ATP10A: variants seen among roughly 807,000 people sequenced by gnomAD.
ATP10A encodes ATPase phospholipid transporting 10A (putative), also known as phospholipid-transporting ATPase VA.
A neutral mutation model predicts 147.8 loss-of-function variants in ATP10A; 111 were observed. The observed-to-expected ratio is 0.75, with a 90% CI of 0.64 to 0.88. The LOEUF (loss-of-function observed/expected upper bound fraction) is 0.88, where lower values mean the gene tolerates loss of function less well. ATP10A is among the 40% of genes least tolerant of loss of function. The pLI, the probability that ATP10A is intolerant of heterozygous loss-of-function variation, is 0.00. For synonymous variants in ATP10A, 875 were observed against 841.6 expected (o/e 1.04, Z -0.69); for missense variants, 1,927 against 1,959.0 (o/e 0.98, Z 0.31).
intron 2 of ATP10A, among the ~76,000 whole-genome samples, chr15:25,775,608 GCACACGCCTGGGAAGAGT>G (rs1889566222): frequency 6.6e-6 from 1 of 152,222 alleles, no homozygotes; most frequent in African/African-American, 2.4e-5. Flanking sequence ...GCACACATGT[GCACACGCCTGGGAAGAGT>G]CAGCAGCAGA....
At chr15:25,753,855 T>TA (rs1468270456) in intron 2 of ATP10A, among the ~76,000 whole-genome samples, 2 of 151,640 alleles carry the variant, frequency 1.3e-5, no homozygotes, top group African/African-American at 4.8e-5. Context: ...GAGCTTACTA[T>TA]AACCTTGACC....
At chr15:25,692,040 C>T (rs1241429882) in intron 14 of ATP10A, among the ~76,000 whole-genome samples, 1 of 152,100 alleles carries the variant, frequency 6.6e-6, no homozygotes, top group African/African-American at 2.4e-5. Context: ...ATGGCGCCTG[C>T]TCTGCAGTGC....
chr15:25,749,969 A>C (rs1440611298), intron 2 of ATP10A, among the ~76,000 whole-genome samples: 5 of 152,210 alleles, frequency 3.3e-5, no homozygotes, highest in African/African-American at 1.2e-4. Flanking sequence ...AGGATTGGTA[A>C]GTTGTAAAAC....
At chr15:25,687,613 CTG>C in intron 16 of ATP10A, 88 bp downstream of exon 16, 1 of 907,758 alleles carries the variant, frequency 1.1e-6, no homozygotes, top group Non-Finnish European at 1.3e-6. Context: ...GGCCTCCCAT[CTG>C]CTCCATCCTC....
chr15:25,839,934 T>TGC (rs1892744083), intron 1 of ATP10A, among the ~76,000 whole-genome samples: 1 of 152,104 alleles, frequency 6.6e-6, no homozygotes, highest in African/African-American at 2.4e-5. Context: ...TGCGTGTGTG[T>TGC]GCGCATGTGC....
At chr15:25,826,996 G>C (rs968102722) in intron 1 of ATP10A, among the ~76,000 whole-genome samples, 2 of 152,082 alleles carry the variant, frequency 1.3e-5, no homozygotes, top group Non-Finnish European at 2.9e-5. Context: ...TGAACAGAAA[G>C]AATCTGGAAG....
chr15:25,863,020 G>A lies in ATP10A; in HGVS notation c.77C>T (p.Thr26Met), dbSNP rs1206010665. 5 of 1,341,630 alleles carry A rather than the reference G, an allele frequency of 3.7e-6. No individual in the cohort carries two copies. The highest frequency in any genetic ancestry group is 3.8e-6 in the Non-Finnish European group (4 of 1,054,264). The allele number at this position is 1,341,630 out of a possible 1,614,324, so 83.1% of individuals were successfully genotyped here. ...RRRRREGRTR[T>M]VRSNLLPPPG... ...GGGCGGCAGCAGGTTGGAGCGCACC[G>A]TGCGCGTCCTGCCCTCTCGGCGCCT... is the stretch of plus-strand genomic sequence containing the variant. Residue 26 changes from threonine (T) to methionine (M), a missense_variant, in exon 1 of 21, where the codon ACG becomes ATG. Transcript: ENST00000555815.
chr15:25,835,637 T>C (rs1567420007), intron 1 of ATP10A, among the ~76,000 whole-genome samples: 1 of 152,116 alleles, frequency 6.6e-6, no homozygotes. Flanking sequence ...ATTCCACTTT[T>C]ATATTTTCTT....
At chr15:25,789,532 G>T (rs1890313692) in intron 1 of ATP10A, among the ~76,000 whole-genome samples, 1 of 149,178 alleles carries the variant, frequency 6.7e-6, no homozygotes, top group Admixed American at 6.7e-5. Context: ...ACCCTTCTTG[G>T]AATTTATTTT....
At chr15:25,802,769 C>A (rs373654234) in intron 1 of ATP10A, among the ~76,000 whole-genome samples, 5 of 152,120 alleles carry the variant, frequency 3.3e-5, no homozygotes. Flanking sequence ...ACCTTAAGGA[C>A]CTTGTGATTA....
In ATP10A at chr15:25,739,710, G is replaced by C. The variant is rs573571071; in HGVS notation, c.655-3569C>G. The stretch of plus-strand genomic sequence containing the variant: ...GACAAAAGGAAGCAGACACCGTGAA[G>C]GGTTCGCCCACTGCAGAGCAACATG... On this transcript the variant is annotated intron_variant, in intron 2 of 20. Transcript: ENST00000555815. Among the ~76,000 whole-genome samples, 3 of 152,216 alleles carry C rather than the reference G, an allele frequency of 2.0e-5. No individual in the cohort carries two copies. The East Asian group carries it at 5.8e-4, about 29-fold the overall frequency.
chr15:25,692,986 A>C (rs976979985), intron 14 of ATP10A, among the ~76,000 whole-genome samples: 2 of 151,722 alleles, frequency 1.3e-5, no homozygotes, highest in African/African-American at 2.4e-5. Context: ...TTTTTAGTAC[A>C]GATGGGGTTT....
chr15:25,732,776 T>C (rs4243755), intron 3 of ATP10A, among the ~76,000 whole-genome samples: 149,822 of 151,792 alleles, frequency 0.99, 73,983 homozygotes, highest in South Asian at 1. Context: ...AGGATGGTCT[T>C]GATCTCCTGA....
intron 1 of ATP10A, among the ~76,000 whole-genome samples, chr15:25,835,324 T>C (rs756334409): frequency 8.7e-4 from 132 of 152,276 alleles, no homozygotes; most frequent in Non-Finnish European, 1.3e-3. Context: ...TGGCAATGGA[T>C]GCAAAACTCT....
chr15:25,762,832 G>T (rs145534130), intron 2 of ATP10A, among the ~76,000 whole-genome samples: 1 of 152,116 alleles, frequency 6.6e-6, no homozygotes, highest in Non-Finnish European at 1.5e-5. Context: ...CTCCCACCTC[G>T]GCCTCCCAAA....
intron 1 of ATP10A, among the ~76,000 whole-genome samples, chr15:25,852,468 C>T (rs1340498327): frequency 6.6e-6 from 1 of 152,052 alleles, no homozygotes; most frequent in Non-Finnish European, 1.5e-5. Context: ...CACTTTGATG[C>T]GCTGAACTGT....
intron 16 of ATP10A, among the ~76,000 whole-genome samples, chr15:25,687,406 A>G (rs1295492564): frequency 6.6e-6 from 1 of 152,000 alleles, no homozygotes; most frequent in East Asian, 2.0e-4. Flanking sequence ...GCAAACTGCT[A>G]GCCTCATAAT....
rs143345564 is a variant in ATP10A, at chr15:25,780,274, C to T, written c.654+745G>A. Among the ~76,000 whole-genome samples, 1,221 of 152,326 alleles carry T rather than the reference C, an allele frequency of 8.0e-3. 18 individuals are homozygous for T. Among genetic ancestry groups the T allele is most frequent in the African/African-American group, 0.028 (1,177 of 41,580 alleles). Reference sequence around the variant, plus strand: ...GGCTTCCCCACCCTTCAGGGCAGGCCGACTCAGACTTGCTGTCTAGGCCAG... The same window carrying T: ...GGCTTCCCCACCCTTCAGGGCAGGCTGACTCAGACTTGCTGTCTAGGCCAG... On this transcript the variant is annotated intron_variant, in intron 2 of 20. Coordinates refer to ENST00000555815, the MANE Select transcript of ATP10A (RefSeq NM_024490.4).
At chr15:25,776,017 T>C (rs1263239540) in intron 2 of ATP10A, among the ~76,000 whole-genome samples, 1 of 152,196 alleles carries the variant, frequency 6.6e-6, no homozygotes, top group Non-Finnish European at 1.5e-5. Flanking sequence ...GGAAAGATGT[T>C]CCCCAGTTTT....
Sources: allele counts gnomAD v4.1 joint callset (sites outside exome capture counted in the v4.1 genomes callset), GRCh38; gene constraint gnomAD v4.1.1; transcripts MANE v1.5; gene names NCBI Gene and HGNC (gene_info 2026-07-23, HGNC 2026-07-21).